The following DCC variants were observed in gnomAD, a reference collection of about 807,000 sequenced individuals.
DCC encodes netrin receptor DCC.
Under a neutral mutation model 172.5 loss-of-function variants are expected in DCC, and 58 were observed. The observed-to-expected ratio is 0.34, with a 90% CI of 0.27 to 0.42. DCC has a LOEUF of 0.42. Among genes scored for constraint, DCC ranks in the 10% least tolerant of loss-of-function variants. The pLI, the probability that DCC is intolerant of heterozygous loss-of-function variation, is 1.00. For missense variants in DCC, 1,740 were observed against 1,791.0 expected (o/e 0.97, Z 0.51); for synonymous variants, 709 against 644.5 (o/e 1.10, Z -1.52).
At chr18:52,360,194 C>T (rs1001028740) in intron 1 of DCC, among the ~76,000 whole-genome samples, 1 of 152,158 alleles carries the variant, frequency 6.6e-6, no homozygotes, top group African/African-American at 2.4e-5. Context: ...TTAGACACTT[C>T]TAGATTATTG....
intron 28 of DCC, among the ~76,000 whole-genome samples, chr18:53,527,290 T>C (rs1232301769): frequency 1.3e-5 from 2 of 151,830 alleles, no homozygotes; most frequent in Non-Finnish European, 2.9e-5. Context: ...ACAATCATAG[T>C]GCACTACAGC....
intron 7 of DCC, among the ~76,000 whole-genome samples, chr18:53,091,026 G>T (rs953006353): frequency 1.3e-5 from 2 of 151,972 alleles, no homozygotes; most frequent in Non-Finnish European, 2.9e-5. Context: ...TCCAGCATCA[G>T]TTCCAAATGC....
chr18:52,939,485 G>GTTTT (rs560707960), intron 5 of DCC, among the ~76,000 whole-genome samples: 350 of 152,122 alleles, frequency 2.3e-3, no homozygotes, highest in Non-Finnish European at 2.6e-3. Flanking sequence ...TTTATGTACT[G>GTTTT]TTTTACTTAC....
intron 15 of DCC, among the ~76,000 whole-genome samples, chr18:53,355,332 G>A (rs1264535952): frequency 6.6e-6 from 1 of 152,136 alleles, no homozygotes; most frequent in East Asian, 1.9e-4. Context: ...TAGCTTGATG[G>A]AGATGGCATT....
intron 2 of DCC, among the ~76,000 whole-genome samples, chr18:52,792,708 G>T (rs1226721953): frequency 8.0e-6 from 1 of 125,740 alleles, no homozygotes; most frequent in Non-Finnish European, 1.8e-5. Context: ...GCCTGTTATT[G>T]ATTTAATTTG....
intron 1 of DCC, among the ~76,000 whole-genome samples, chr18:52,651,140 C>G (rs1400102280): frequency 2.0e-5 from 3 of 152,106 alleles, no homozygotes; most frequent in Admixed American, 6.6e-5. Context: ...TATTAGAAAG[C>G]TGTGCATTTT....
Position 53,223,886 on chromosome 18 carries a change from A to G in DCC, c.1911+8289A>G, listed in dbSNP as rs192949612. ...ACCTAATTATAACTGTAATAATGGC[A>G]GTAACCTTTCCCAAAGGTATTTTGT... On this transcript the variant is annotated intron_variant, in intron 12 of 28. Coordinates refer to ENST00000442544, the MANE Select transcript of DCC (RefSeq NM_005215.4). Among the ~76,000 whole-genome samples the G allele has an allele frequency of 2.6e-5, 4 of 152,328 alleles. 1 individual carries two copies. In the East Asian group the frequency reaches 7.7e-4, roughly 29 times the overall value.
intron 2 of DCC, among the ~76,000 whole-genome samples, chr18:52,899,241 C>T (rs1160535490): frequency 1.3e-5 from 2 of 152,048 alleles, no homozygotes; most frequent in Non-Finnish European, 1.5e-5. Flanking sequence ...CCTGGAACTC[C>T]TGGGCTCAAG....
intron 1 of DCC, among the ~76,000 whole-genome samples, chr18:52,526,443 T>C (rs773917603): frequency 1.3e-5 from 2 of 151,812 alleles, no homozygotes; most frequent in African/African-American, 2.4e-5. Context: ...AACCTGGTAG[T>C]TGGTAAACAA....
At chr18:53,365,757 A>T (rs1227154761) in intron 15 of DCC, among the ~76,000 whole-genome samples, 1 of 152,178 alleles carries the variant, frequency 6.6e-6, no homozygotes, top group Non-Finnish European at 1.5e-5. Flanking sequence ...TCAACTACAT[A>T]CTTCTGTGAC....
chr18:53,068,577 T>C (rs2042607131), intron 7 of DCC, among the ~76,000 whole-genome samples: 1 of 152,038 alleles, frequency 6.6e-6, no homozygotes, highest in African/African-American at 2.4e-5. Context: ...AGTGACTTCG[T>C]GTTTCTAAAG....
intron 23 of DCC, among the ~76,000 whole-genome samples, chr18:53,456,586 C>G (rs2045485979): frequency 6.6e-6 from 1 of 152,158 alleles, no homozygotes; most frequent in African/African-American, 2.4e-5. Context: ...GACAGATTCA[C>G]CTGGAGAGTG....
At chr18:52,491,945 G>A (rs1297011910) in intron 1 of DCC, among the ~76,000 whole-genome samples, 1 of 151,732 alleles carries the variant, frequency 6.6e-6, no homozygotes, top group East Asian at 1.9e-4. Context: ...GACATAAATT[G>A]GATAATAGGA....
At chr18:53,213,806 T>G (rs1249755898) in intron 11 of DCC, among the ~76,000 whole-genome samples, 1 of 151,846 alleles carries the variant, frequency 6.6e-6, no homozygotes, top group Non-Finnish European at 1.5e-5. Context: ...GTACTTCAAT[T>G]TAAAAAACTA....
intron 7 of DCC, among the ~76,000 whole-genome samples, chr18:53,081,993 G>T (rs1338553952): frequency 6.6e-6 from 1 of 152,030 alleles, no homozygotes; most frequent in Non-Finnish European, 1.5e-5. Context: ...GATGGGGGAG[G>T]CCAGCGATCA....
At chr18:52,929,839 C>CACAT (rs2040278055) in intron 5 of DCC, among the ~76,000 whole-genome samples, 1 of 151,400 alleles carries the variant, frequency 6.6e-6, no homozygotes, top group African/African-American at 2.4e-5. Flanking sequence ...CACACACACA[C>CACAT]ACACACACAC....
intron 15 of DCC, among the ~76,000 whole-genome samples, chr18:53,369,748 T>C (rs966777275): frequency 2.0e-5 from 3 of 151,898 alleles, no homozygotes; most frequent in Non-Finnish European, 2.9e-5. Flanking sequence ...TTCTTCACTT[T>C]ATTAGTCTGG....
intron 1 of DCC, among the ~76,000 whole-genome samples, chr18:52,635,074 C>T (rs1332034497): frequency 1.3e-5 from 2 of 152,080 alleles, no homozygotes; most frequent in Non-Finnish European, 2.9e-5. Context: ...TTTCTAGAAC[C>T]TTGATTTGTC....
At chr18:53,169,961 T>C (rs961071678) in intron 8 of DCC, among the ~76,000 whole-genome samples, 2 of 152,138 alleles carry the variant, frequency 1.3e-5, no homozygotes, top group African/African-American at 4.8e-5. Context: ...AAACTGCCCT[T>C]CCAAACTCAG....
Sources: gnomAD v4.1 joint callset for allele counts (sites outside exome capture counted in the v4.1 genomes callset) on GRCh38, gnomAD v4.1.1 for gene constraint, MANE v1.5 for transcripts, NCBI Gene and HGNC (gene_info 2026-07-23, HGNC 2026-07-21) for gene names.